The following VPS13B variants were observed in gnomAD, a reference collection of about 807,000 sequenced individuals.
VPS13B encodes vacuolar protein sorting 13 homolog B.
VPS13B carries 285 observed loss-of-function variants against 426.4 expected under a neutral mutation model. That is an observed-to-expected ratio of 0.67 (90% CI 0.61 to 0.74). The LOEUF (loss-of-function observed/expected upper bound fraction) is 0.74. VPS13B is among the 30% of genes least tolerant of loss of function. The probability of loss-of-function intolerance (pLI) is 0.00; values close to 1 mark genes in which losing one functional copy is unlikely to be tolerated. For synonymous variants in VPS13B, 1,676 were observed against 1,676.4 expected, an observed-to-expected ratio of 1.00 and a Z score of 0.01; for missense variants, 4,537 against 4,782.6, an observed-to-expected ratio of 0.95 and a Z score of 1.51.
chr8:99,513,206 A>G (rs1821886194), intron 29 of VPS13B, among the ~76,000 whole-genome samples: 1 of 151,228 alleles, frequency 6.6e-6, no homozygotes, highest in Admixed American at 6.6e-5. Context: ...TAAAACATTC[A>G]TTTTTCTAAC....
intron 17 of VPS13B, chr8:99,233,429 G>A (rs1816461139): frequency 3.2e-6 from 4 of 1,258,222 alleles, no homozygotes; most frequent in African/African-American, 2.9e-5. Context: ...TGTTTGATGT[G>A]TGCCCCTTTC....
At chr8:99,240,913 T>C (rs543556179) in intron 17 of VPS13B, 2 of 152,798 alleles carry the variant, frequency 1.3e-5, no homozygotes, top group Non-Finnish European at 1.5e-5. Flanking sequence ...ATGTGTTTGA[T>C]GGAACACTTG....
intron 19 of VPS13B, among the ~76,000 whole-genome samples, chr8:99,332,618 G>A (rs1461170702): frequency 3.3e-5 from 5 of 151,562 alleles, no homozygotes; most frequent in Non-Finnish European, 1.5e-5. Flanking sequence ...AGTGCTTTAC[G>A]TACAGTCATA....
At chr8:99,409,626 AC>A (rs35606771) in intron 21 of VPS13B, among the ~76,000 whole-genome samples, 16 of 152,004 alleles carry the variant, frequency 1.1e-4, no homozygotes, top group African/African-American at 3.6e-4. Flanking sequence ...GATTGCAAAG[AC>A]CCCCACAAAA....
chr8:99,090,875 CT>C (rs1846106001), intron 3 of VPS13B, among the ~76,000 whole-genome samples: 1 of 151,800 alleles, frequency 6.6e-6, no homozygotes, highest in Admixed American at 6.6e-5. Flanking sequence ...TTCTTCCTCC[CT>C]GAATTTCTGC....
At chr8:99,739,419 G>T (rs1419030372) in intron 39 of VPS13B, among the ~76,000 whole-genome samples, 5 of 152,226 alleles carry the variant, frequency 3.3e-5, no homozygotes, top group Admixed American at 2.6e-4. Context: ...CAAACAAAAG[G>T]CAGCCGAAAC....
chr8:99,637,854 C>G (rs577449647), intron 33 of VPS13B, among the ~76,000 whole-genome samples: 1 of 152,160 alleles, frequency 6.6e-6, no homozygotes, highest in South Asian at 2.1e-4. Context: ...TTTCCTGAGT[C>G]AAAGAATGAA....
At chr8:99,575,549 T>C in intron 31 of VPS13B, 109 bp from the exon 32 acceptor site, 1 of 1,346,440 alleles carries the variant, frequency 7.4e-7, no homozygotes, top group Admixed American at 1.9e-5. Context: ...CTCAAAATAA[T>C]AATGTAATTT....
intron 39 of VPS13B, among the ~76,000 whole-genome samples, chr8:99,747,952 A>C (rs1810183892): frequency 6.6e-6 from 1 of 151,986 alleles, no homozygotes; most frequent in African/African-American, 2.4e-5. Context: ...GACCTAGTCT[A>C]TGGGCACCAC....
Position 99,152,528 on chromosome 8 carries a change from A to G in VPS13B, c.2014-4021A>G, listed in dbSNP as rs144094148. 2.6e-5 allele frequency among the ~76,000 whole-genome samples: 4 copies of G among 152,270 alleles called. No individual in the cohort carries two copies. In the South Asian group the frequency reaches 6.2e-4, roughly 24 times the overall value. On this transcript the variant is annotated intron_variant, in intron 14 of 61. Transcript: ENST00000357162. The stretch of plus-strand genomic sequence containing the variant: ...TTATATCTGGTTGATTATAAGTTCA[A>G]TTATGTCCTTATTGATTTTCTGTCT...
At chr8:99,379,424 T>A (rs1813675461) in intron 19 of VPS13B, among the ~76,000 whole-genome samples, 1 of 152,172 alleles carries the variant, frequency 6.6e-6, no homozygotes, top group African/African-American at 2.4e-5. Flanking sequence ...TTTCACAAAT[T>A]TTCAGGAATT....
chr8:99,101,888 A>G (rs934466110), intron 4 of VPS13B, among the ~76,000 whole-genome samples: 4 of 152,012 alleles, frequency 2.6e-5, no homozygotes, highest in African/African-American at 9.6e-5. Context: ...TGGTTATTTC[A>G]TGAAATAGCT....
intron 21 of VPS13B, 74 bp from the exon 22 acceptor site, chr8:99,431,463 G>A (rs1563726915): frequency 2.6e-6 from 4 of 1,549,980 alleles, no homozygotes; most frequent in South Asian, 1.2e-5. Flanking sequence ...AAACAATCTT[G>A]AAAATACGTT....
At chr8:99,536,599 T>C (rs762019641) in intron 30 of VPS13B, 1 of 528,914 alleles carries the variant, frequency 1.9e-6, no homozygotes, top group South Asian at 1.4e-5. Context: ...TAATGTTTTG[T>C]ATCCTGGGAC....
chr8:99,242,026 A>T (rs1816958897), intron 17 of VPS13B, among the ~76,000 whole-genome samples: 2 of 151,864 alleles, frequency 1.3e-5, no homozygotes, highest in Admixed American at 1.3e-4. Context: ...GTCAGCCCAG[A>T]CTGGAGTGCA....
At chr8:99,108,395 C>T (rs1847167265) in intron 5 of VPS13B, among the ~76,000 whole-genome samples, 2 of 152,072 alleles carry the variant, frequency 1.3e-5, no homozygotes, top group African/African-American at 4.8e-5. Context: ...AATTCTTTGC[C>T]TAGACCAATG....
At chr8:99,183,336 T>C (rs1228989348) in intron 16 of VPS13B, among the ~76,000 whole-genome samples, 1 of 152,236 alleles carries the variant, frequency 6.6e-6, no homozygotes, top group African/African-American at 2.4e-5. Flanking sequence ...TTCTTTTTTT[T>C]GAAGAATTTT....
chr8:99,469,372 C>T (rs963247221), intron 24 of VPS13B, among the ~76,000 whole-genome samples: 1 of 151,806 alleles, frequency 6.6e-6, no homozygotes, highest in African/African-American at 2.4e-5. Context: ...AACAGGGTCT[C>T]GCTTTGTTGT....
intron 12 of VPS13B, among the ~76,000 whole-genome samples, chr8:99,139,702 G>A (rs183195871): frequency 6.6e-6 from 1 of 152,144 alleles, no homozygotes; most frequent in East Asian, 1.9e-4. Flanking sequence ...CTCCCAAAGT[G>A]CTGGGATTAC....
Sources: allele counts gnomAD v4.1 joint callset (sites outside exome capture counted in the v4.1 genomes callset), GRCh38; gene constraint gnomAD v4.1.1; transcripts MANE v1.5; gene names NCBI Gene and HGNC (gene_info 2026-07-23, HGNC 2026-07-21).